CEP128: variants seen among roughly 807,000 people sequenced by gnomAD.
CEP128 encodes centrosomal protein 128kDa.
In CEP128, 132 loss-of-function variants were observed where a neutral mutation model predicts 156.7. The observed-to-expected ratio is 0.84, with a 90% CI of 0.73 to 0.97. The LOEUF (loss-of-function observed/expected upper bound fraction) is 0.97. Ranked by LOEUF, CEP128 falls within the 50% of genes least tolerant of loss-of-function variation. CEP128 has a pLI of 0.00. For synonymous variants in CEP128, 469 were observed against 448.9 expected (o/e 1.04, Z -0.57); for missense variants, 1,252 against 1,281.9 (o/e 0.98, Z 0.36).
intron 20 of CEP128, among the ~76,000 whole-genome samples, chr14:80,566,393 T>G (rs1641739663): frequency 6.6e-6 from 1 of 152,246 alleles, no homozygotes; most frequent in South Asian, 2.1e-4. Flanking sequence ...TTGAAATTAT[T>G]TGAATACATT....
At chr14:80,700,770 T>C (rs1013220208) in intron 19 of CEP128, among the ~76,000 whole-genome samples, 11 of 152,094 alleles carry the variant, frequency 7.2e-5, no homozygotes, top group Non-Finnish European at 1.3e-4. Context: ...GTATGCAAAA[T>C]AGGATTTATC....
chr14:80,487,148 AC>A, downstream of CEP128, among the ~76,000 whole-genome samples: 1 of 152,148 alleles, frequency 6.6e-6, no homozygotes, highest in Non-Finnish European at 1.5e-5. Context: ...GTGCAGAGAC[AC>A]ACATAGGCTC....
At chr14:80,888,995 C>T (rs1443994207) in intron 8 of CEP128, among the ~76,000 whole-genome samples, 1 of 152,132 alleles carries the variant, frequency 6.6e-6, no homozygotes. Flanking sequence ...AATAGACAAA[C>T]AGGGAGCCAA....
chr14:80,705,614 A>T (rs1348005986), intron 19 of CEP128, among the ~76,000 whole-genome samples: 1 of 152,090 alleles, frequency 6.6e-6, no homozygotes, highest in Admixed American at 6.6e-5. Flanking sequence ...CTATTTTGTA[A>T]CCAATAGAAT....
At chr14:80,546,557 G>A (rs1394153798) in intron 21 of CEP128, among the ~76,000 whole-genome samples, 2 of 152,156 alleles carry the variant, frequency 1.3e-5, no homozygotes, top group East Asian at 1.9e-4. Context: ...AGAAGTTCTT[G>A]GAAAAGAAGA....
chr14:80,567,478 T>C (rs929755192), intron 20 of CEP128, among the ~76,000 whole-genome samples: 2 of 152,338 alleles, frequency 1.3e-5, no homozygotes, highest in South Asian at 4.1e-4. Context: ...TAGGTAGCTA[T>C]ATGAAACTGA....
chr14:80,509,528 T>C (rs1042301563), intron 23 of CEP128, among the ~76,000 whole-genome samples: 2 of 152,234 alleles, frequency 1.3e-5, no homozygotes, highest in Non-Finnish European at 2.9e-5. Flanking sequence ...CCTTATGTAT[T>C]ACAGTTATTA....
chr14:80,873,036 G>C (rs748192164), intron 8 of CEP128, among the ~76,000 whole-genome samples: 3 of 152,208 alleles, frequency 2.0e-5, no homozygotes, highest in Admixed American at 6.5e-5. Context: ...ACAAAACAAG[G>C]TGTAACATCA....
At chr14:80,486,677 G>C, downstream of CEP128, among the ~76,000 whole-genome samples, 1 of 152,162 alleles carries the variant, frequency 6.6e-6, no homozygotes, top group Non-Finnish European at 1.5e-5. Context: ...TCTCTCAGCA[G>C]AAACTCTACA....
rs114417673 is a variant in CEP128, at chr14:80,799,772, C to T, written c.1210-6662G>A. 2.3e-3 allele frequency among the ~76,000 whole-genome samples: 347 copies of T among 152,184 alleles called. 2 individuals carry two copies. Among genetic ancestry groups the T allele is most frequent in the African/African-American group, 7.6e-3 (315 of 41,526 alleles). On this transcript the variant is annotated intron_variant, in intron 13 of 24. Coordinates refer to ENST00000555265, the MANE Select transcript of CEP128 (RefSeq NM_152446.5). ...TACTAGGGTGGGGAAAAACTCTGCC[C>T]CTGGTAAATTTGTGGTCAGACTGGT...
chr14:80,801,679 C>T (rs1266628620), intron 13 of CEP128, among the ~76,000 whole-genome samples: 1 of 151,882 alleles, frequency 6.6e-6, no homozygotes, highest in Non-Finnish European at 1.5e-5. Context: ...GAGGTCGAGG[C>T]AGGCAGATCA....
In CEP128 at chr14:80,777,908, A is replaced by G; in HGVS notation, c.2350T>C (p.Cys784Arg). ...ENKKLKLKYQ[C>R]LKDQLEEREK... ...CTTTCTTCTAGTTGATCCTTCAAAC[A>G]TTGATATTTTAGCTTCAGTTTTTTG... The change falls in exon 16 of 25, where the codon TGT (cysteine) becomes CGT (arginine). Residue 784 changes from cysteine (C) to arginine (R), a missense_variant. Physicochemically the swap from Cys to Arg is radical, Grantham distance 180. Transcript: ENST00000555265. 6 of 1,609,924 alleles carry G rather than the reference A, an allele frequency of 3.7e-6. No individual in the cohort carries two copies. The highest frequency in any genetic ancestry group is 5.1e-6 in the Non-Finnish European group (6 of 1,176,814).
chr14:80,602,841 A>G (rs899320937), intron 19 of CEP128, among the ~76,000 whole-genome samples: 1 of 152,196 alleles, frequency 6.6e-6, no homozygotes, highest in African/African-American at 2.4e-5. Flanking sequence ...CAACACAACA[A>G]AATGATTTTA....
At chr14:80,810,164 A>T (rs1213916186) in intron 13 of CEP128, among the ~76,000 whole-genome samples, 2 of 151,788 alleles carry the variant, frequency 1.3e-5, no homozygotes, top group African/African-American at 4.8e-5. Flanking sequence ...TTTACTAAAA[A>T]TACAAAAAAT....
At chr14:80,841,638 A>T (rs1886353445) in intron 9 of CEP128, among the ~76,000 whole-genome samples, 1 of 152,016 alleles carries the variant, frequency 6.6e-6, no homozygotes. Flanking sequence ...TGATTCTATG[A>T]ATTATTATTA....
intron 19 of CEP128, among the ~76,000 whole-genome samples, chr14:80,617,219 CTTTTTTT>C (rs3069115): frequency 3.5e-4 from 21 of 60,224 alleles, no homozygotes; most frequent in Admixed American, 2.1e-3. Context: ...TGAATATCAT[CTTTTTTT>C]TTTTTTTTTT....
intron 22 of CEP128, among the ~76,000 whole-genome samples, chr14:80,529,013 G>A (rs192616080): frequency 6.5e-4 from 99 of 152,246 alleles, no homozygotes; most frequent in African/African-American, 2.2e-3. Flanking sequence ...CATGTAGAAC[G>A]GATTTTAAGC....
chr14:80,673,254 T>C (rs1180223089), intron 19 of CEP128, among the ~76,000 whole-genome samples: 2 of 152,194 alleles, frequency 1.3e-5, no homozygotes, highest in Non-Finnish European at 2.9e-5. Flanking sequence ...GTTTGCACTA[T>C]TACAGCAAGC....
chr14:80,526,887 G>A lies in CEP128; in HGVS notation c.3054C>T (p.Tyr1018=). ...SLQHHQDDTK[Y]RTKSFKGDRT... is the part of the protein sequence containing the mutation. Reference sequence around the variant, plus strand: ...AAATTACTTTGAAACTTTTGGTTCTGTACTTGGTGTCATCTTGGTGATGCT... The same window carrying A: ...AAATTACTTTGAAACTTTTGGTTCTATACTTGGTGTCATCTTGGTGATGCT... Residue 1018 remains tyrosine (Y), a synonymous_variant, in exon 23 of 25, where the codon TAC becomes TAT. Transcript: ENST00000555265. 1 of 1,601,516 alleles carries A rather than the reference G, an allele frequency of 6.2e-7. No homozygotes were observed. The highest frequency in any genetic ancestry group is 1.7e-4 in the Middle Eastern group (1 of 6,010).
Sources: allele counts gnomAD v4.1 joint callset (sites outside exome capture counted in the v4.1 genomes callset), GRCh38; gene constraint gnomAD v4.1.1; transcripts MANE v1.5; gene names NCBI Gene and HGNC (gene_info 2026-07-23, HGNC 2026-07-21).